LMBRD1: variants seen among roughly 807,000 people sequenced by gnomAD.
The protein encoded by LMBRD1 is lysosomal cobalamin transport escort protein LMBD1.
A neutral mutation model predicts 74.8 loss-of-function variants in LMBRD1; 64 were observed. The ratio of observed to expected loss-of-function variants is 0.86; its 90% confidence interval spans 0.70 to 1.05. The LOEUF is 1.05. LMBRD1 is among the 50% of genes least tolerant of loss of function. The pLI is 0.00. For missense variants in LMBRD1, 652 were observed against 645.9 expected (o/e 1.01, Z -0.10); for synonymous variants, 204 against 216.3 (o/e 0.94, Z 0.50).
At chr6:69,794,983 T>C (rs1489132117) in intron 1 of LMBRD1, among the ~76,000 whole-genome samples, 5 of 152,204 alleles carry the variant, frequency 3.3e-5, no homozygotes, top group African/African-American at 1.2e-4. Flanking sequence ...ATCTTCCACT[T>C]GTTGAGCTTT....
chr6:69,695,050 C>T (rs568356828), intron 14 of LMBRD1, among the ~76,000 whole-genome samples: 1 of 152,222 alleles, frequency 6.6e-6, no homozygotes, highest in African/African-American at 2.4e-5. Context: ...TATCTGAGGC[C>T]ATATCCTTGC....
chr6:69,797,002 G>T lies in LMBRD1; in HGVS notation c.-121C>A. ...TAAAGGTTAAAGGGGCGGAGGGGGA[G>T]GAGCAAGTGGTTGCCAAGGAGACTG... On this transcript the variant is annotated 5_prime_UTR_variant, in exon 1 of 16. Transcript: ENST00000649934. 1 of 845,674 alleles carries T rather than the reference G, an allele frequency of 1.2e-6. No homozygotes were observed. Among genetic ancestry groups the T allele is most frequent in the South Asian group, 1.5e-5 (1 of 67,174 alleles). The allele number at this position is 845,674 out of a possible 1,614,324, so 52.4% of individuals were successfully genotyped here. A position where few individuals can be genotyped will look rare whatever the true frequency, so the allele number is the denominator to read the frequency against.
chr6:69,778,767 T>G (rs1382414047), intron 3 of LMBRD1, among the ~76,000 whole-genome samples: 1 of 152,150 alleles, frequency 6.6e-6, no homozygotes, highest in Non-Finnish European at 1.5e-5. Context: ...TTTAATATAT[T>G]CATCAGAAAT....
chr6:69,689,161 G>A (rs1043067577), intron 14 of LMBRD1, among the ~76,000 whole-genome samples: 1 of 152,066 alleles, frequency 6.6e-6, no homozygotes, highest in Non-Finnish European at 1.5e-5. Context: ...AGGCGAGAAG[G>A]AAAGAAGTTC....
chr6:69,709,818 G>C (rs1472076589), intron 9 of LMBRD1, among the ~76,000 whole-genome samples: 1 of 152,076 alleles, frequency 6.6e-6, no homozygotes, highest in African/African-American at 2.4e-5. Context: ...AAAATACTTA[G>C]AGGTAAATTT....
rs113223665 is a variant in LMBRD1 at position 69,674,759 on chromosome 6, G to C, written c.*1399C>G. On this transcript the variant is annotated 3_prime_UTR_variant, in exon 16 of 16. Coordinates refer to ENST00000649934, the MANE Select transcript of LMBRD1 (RefSeq NM_018368.4). ...GGAGGCCACTGTGGGTGGATCATGA[G>C]GTCAGGAGTTCAAGACCAGCCTGGC... Among the ~76,000 whole-genome samples, 1 of 152,108 alleles carries C rather than the reference G, an allele frequency of 6.6e-6. No individual in the cohort carries two copies. Among genetic ancestry groups the C allele is most frequent in the East Asian group, 1.9e-4 (1 of 5,170 alleles).
chr6:69,691,112 C>T (rs1314137216), intron 14 of LMBRD1, among the ~76,000 whole-genome samples: 1 of 147,628 alleles, frequency 6.8e-6, no homozygotes, highest in Non-Finnish European at 1.5e-5. Flanking sequence ...ACAACCATTT[C>T]CATTATATTT....
At chr6:69,761,239 T>C (rs991852888) in intron 3 of LMBRD1, among the ~76,000 whole-genome samples, 3 of 152,160 alleles carry the variant, frequency 2.0e-5, no homozygotes, top group African/African-American at 4.8e-5. Flanking sequence ...AGAACAGTTG[T>C]TTTCCCCATG....
chr6:69,747,132 A>C (rs6918407), intron 5 of LMBRD1, among the ~76,000 whole-genome samples: 72,571 of 151,860 alleles, frequency 0.48, 17,964 homozygotes, highest in East Asian at 0.6. Flanking sequence ...GATATACGTC[A>C]TTTAGCAAGG....
At chr6:69,677,080 C>T (rs1192121352) in intron 14 of LMBRD1, among the ~76,000 whole-genome samples, 1 of 152,108 alleles carries the variant, frequency 6.6e-6, no homozygotes, top group East Asian at 1.9e-4. Flanking sequence ...TTTTACATGA[C>T]ACAGGAGGCT....
chr6:69,751,040 T>A (rs557264378), intron 4 of LMBRD1, among the ~76,000 whole-genome samples: 1 of 152,266 alleles, frequency 6.6e-6, no homozygotes, highest in East Asian at 1.9e-4. Context: ...TCTTATTGTA[T>A]AACTGTTCCC....
rs537094311 is a variant in LMBRD1 at position 69,738,737 on chromosome 6, A to C, written c.563-722T>G. On this transcript the variant is annotated intron_variant, in intron 6 of 15. Coordinates refer to ENST00000649934, the MANE Select transcript of LMBRD1 (RefSeq NM_018368.4). ...TAAATATATCAAATTATGTAATAAA[A>C]TACTATGCAAATTTGAATATTCTTA... 5.9e-5 allele frequency among the ~76,000 whole-genome samples: 9 copies of C among 152,286 alleles called. No homozygotes were observed. The South Asian group carries it at 1.9e-3, about 32-fold the overall frequency.
chr6:69,689,854 G>A (rs372113090), intron 14 of LMBRD1, among the ~76,000 whole-genome samples: 3 of 152,102 alleles, frequency 2.0e-5, no homozygotes, highest in African/African-American at 7.2e-5. Context: ...ATGATATGCT[G>A]GAGTAGACAG....
At chr6:69,796,785 T>G (rs756875572) in intron 1 of LMBRD1, 28 bp downstream of exon 1, 4 of 1,605,954 alleles carry the variant, frequency 2.5e-6, no homozygotes, top group African/African-American at 2.7e-5. Context: ...AGTCCAAACA[T>G]GGGGAAAACT....
At chr6:69,725,101 T>C (rs141041520) in intron 7 of LMBRD1, among the ~76,000 whole-genome samples, 19 of 152,022 alleles carry the variant, frequency 1.2e-4, no homozygotes, top group Admixed American at 3.3e-4. Flanking sequence ...TTTAAAAAAG[T>C]AAGCCCATTT....
At chr6:69,791,293 C>T (rs1391559835) in intron 1 of LMBRD1, among the ~76,000 whole-genome samples, 1 of 152,238 alleles carries the variant, frequency 6.6e-6, no homozygotes, top group African/African-American at 2.4e-5. Flanking sequence ...GCATTTGTAA[C>T]AGCTTCCCCA....
intron 14 of LMBRD1, among the ~76,000 whole-genome samples, chr6:69,689,698 C>T (rs1056974528): frequency 6.6e-6 from 1 of 151,856 alleles, no homozygotes; most frequent in African/African-American, 2.4e-5. Flanking sequence ...ATATTCCTGC[C>T]CCAGAATTGT....
chr6:69,681,711 A>T (rs147495204), intron 14 of LMBRD1, among the ~76,000 whole-genome samples: 37 of 152,048 alleles, frequency 2.4e-4, no homozygotes, highest in Non-Finnish European at 4.3e-4. Context: ...GACCAAAAAA[A>T]CTTAGAAGCC....
At chr6:69,790,191 C>T in intron 2 of LMBRD1, 105 bp downstream of exon 2, 1 of 779,860 alleles carries the variant, frequency 1.3e-6, no homozygotes, top group Non-Finnish European at 2.2e-6. Flanking sequence ...TATTTCCATT[C>T]TCATTCATTC....
Sources: gnomAD v4.1 joint callset for allele counts (sites outside exome capture counted in the v4.1 genomes callset) on GRCh38, gnomAD v4.1.1 for gene constraint, MANE v1.5 for transcripts, NCBI Gene and HGNC (gene_info 2026-07-23, HGNC 2026-07-21) for gene names.